WWOX: variants seen among roughly 807,000 people sequenced by gnomAD.
WWOX encodes the protein WW domain-containing oxidoreductase.
A neutral mutation model predicts 46.2 loss-of-function variants in WWOX; 69 were observed. The ratio of observed to expected loss-of-function variants is 1.49; its 90% confidence interval spans 1.23 to 1.82. The LOEUF (loss-of-function observed/expected upper bound fraction) is 1.82. WWOX is among the 40% of genes most tolerant of loss of function. The pLI is 0.00. For synonymous variants in WWOX, 359 were observed against 202.6 expected (o/e 1.77, Z -6.56); for missense variants, 919 against 542.6 (o/e 1.69, Z -6.89).
intron 8 of WWOX, among the ~76,000 whole-genome samples, chr16:78,733,096 C>G (rs1021265373): frequency 6.6e-6 from 1 of 152,128 alleles, no homozygotes; most frequent in South Asian, 2.1e-4. Flanking sequence ...CTTTTTTGTC[C>G]CATTTGCTCC....
chr16:79,086,237 T>C (rs913550451), intron 8 of WWOX, among the ~76,000 whole-genome samples: 9 of 152,234 alleles, frequency 5.9e-5, no homozygotes. Flanking sequence ...ATTGAGCATT[T>C]TCTGTCTGAG....
chr16:79,160,636 A>G (rs2150748955), intron 8 of WWOX, among the ~76,000 whole-genome samples: 1 of 152,238 alleles, frequency 6.6e-6, no homozygotes, highest in Admixed American at 6.5e-5. Flanking sequence ...GGTATGGGTC[A>G]AGCAGATCTG....
At chr16:78,795,321 A>G (rs768089229) in intron 8 of WWOX, among the ~76,000 whole-genome samples, 1 of 152,200 alleles carries the variant, frequency 6.6e-6, no homozygotes, top group Non-Finnish European at 1.5e-5. Flanking sequence ...TTTTAAGTCC[A>G]GGCAGTCCAA....
At chr16:78,640,492 T>C (rs911142029) in intron 8 of WWOX, among the ~76,000 whole-genome samples, 5 of 152,078 alleles carry the variant, frequency 3.3e-5, no homozygotes, top group Admixed American at 2.0e-4. Context: ...GTTCCTGTAC[T>C]GCATGAAGCA....
chr16:78,114,896 T>C (rs2032693592), intron 3 of WWOX, 80 bp from the exon 4 acceptor site: 3 of 1,584,280 alleles, frequency 1.9e-6, no homozygotes, highest in African/African-American at 2.7e-5. Context: ...AAATGGGGTT[T>C]TCCTAAAGTA....
At chr16:78,421,507 T>C (rs1597209168) in intron 6 of WWOX, among the ~76,000 whole-genome samples, 1 of 152,204 alleles carries the variant, frequency 6.6e-6, no homozygotes, top group East Asian at 1.9e-4. Flanking sequence ...TTAATCACAT[T>C]TGCGAAGACC....
chr16:78,141,283 C>G (rs1365961452), intron 4 of WWOX, among the ~76,000 whole-genome samples: 1 of 152,136 alleles, frequency 6.6e-6, no homozygotes, highest in Non-Finnish European at 1.5e-5. Context: ...TATGATTGTA[C>G]AAATGGACAG....
intron 8 of WWOX, among the ~76,000 whole-genome samples, chr16:78,864,485 T>C (rs1205864778): frequency 6.6e-6 from 1 of 152,058 alleles, no homozygotes; most frequent in Non-Finnish European, 1.5e-5. Context: ...CCAAGGCTGA[T>C]CTTACACTCC....
At chr16:78,384,204 C>T (rs1212188047) in intron 5 of WWOX, among the ~76,000 whole-genome samples, 2 of 152,116 alleles carry the variant, frequency 1.3e-5, no homozygotes, top group Non-Finnish European at 2.9e-5. Context: ...CTTTACCACC[C>T]CCTCCACAGC....
chr16:78,550,409 T>A (rs921880833), intron 8 of WWOX, among the ~76,000 whole-genome samples: 2 of 152,194 alleles, frequency 1.3e-5, no homozygotes, highest in African/African-American at 4.8e-5. Flanking sequence ...ATGGGCATGG[T>A]TGTGTGACAA....
intron 8 of WWOX, among the ~76,000 whole-genome samples, chr16:78,816,858 C>T (rs763187848): frequency 6.6e-6 from 1 of 151,942 alleles, no homozygotes; most frequent in Non-Finnish European, 1.5e-5. Flanking sequence ...TTTCAGTTTC[C>T]AAAATTTTTC....
At chr16:78,566,526 C>T (rs1160429118) in intron 8 of WWOX, among the ~76,000 whole-genome samples, 1 of 152,156 alleles carries the variant, frequency 6.6e-6, no homozygotes, top group African/African-American at 2.4e-5. Flanking sequence ...ATGTGAGGCA[C>T]AGGATGGTTC....
At chr16:78,861,592 T>C (rs921286023) in intron 8 of WWOX, among the ~76,000 whole-genome samples, 2 of 152,204 alleles carry the variant, frequency 1.3e-5, no homozygotes, top group Admixed American at 6.5e-5. Flanking sequence ...CTTTAAAAAA[T>C]GATAATTACA....
At chr16:78,999,528 A>G (rs551240716) in intron 8 of WWOX, among the ~76,000 whole-genome samples, 34 of 152,332 alleles carry the variant, frequency 2.2e-4, no homozygotes, top group African/African-American at 7.5e-4. Flanking sequence ...AATGATCTGC[A>G]TGGAGGAAAT....
At chr16:79,085,459 G>A (rs1019672738) in intron 8 of WWOX, among the ~76,000 whole-genome samples, 5 of 152,110 alleles carry the variant, frequency 3.3e-5, no homozygotes, top group Non-Finnish European at 7.3e-5. Context: ...TCACTGGGCC[G>A]ATGTGGGCAC....
intron 8 of WWOX, among the ~76,000 whole-genome samples, chr16:78,608,617 T>A (rs1234873453): frequency 6.6e-6 from 1 of 152,054 alleles, no homozygotes; most frequent in Non-Finnish European, 1.5e-5. Flanking sequence ...TGTGGAAGGG[T>A]CAAGTGCAGG....
intron 8 of WWOX, among the ~76,000 whole-genome samples, chr16:78,802,443 G>T (rs1459605803): frequency 6.6e-6 from 1 of 151,914 alleles, no homozygotes; most frequent in Non-Finnish European, 1.5e-5. Flanking sequence ...AGTTGTTTAT[G>T]GAAGGCTTTG....
intron 8 of WWOX, among the ~76,000 whole-genome samples, chr16:78,761,137 C>A (rs890804914): frequency 6.6e-6 from 1 of 152,182 alleles, no homozygotes; most frequent in East Asian, 1.9e-4. Flanking sequence ...AGGCTAATGA[C>A]TGAGCGGGGG....
intron 5 of WWOX, among the ~76,000 whole-genome samples, chr16:78,362,043 G>A (rs1329328566): frequency 6.7e-6 from 1 of 150,162 alleles, no homozygotes; most frequent in Non-Finnish European, 1.5e-5. Flanking sequence ...TTTCTGGTTG[G>A]CTTCTATGAA....
Sources: allele counts gnomAD v4.1 joint callset (sites outside exome capture counted in the v4.1 genomes callset), GRCh38; gene constraint gnomAD v4.1.1; transcripts MANE v1.5; gene names NCBI Gene and HGNC (gene_info 2026-07-23, HGNC 2026-07-21).